PLEKHA6: variants seen among roughly 807,000 people sequenced by gnomAD.
PLEKHA6 encodes the protein pleckstrin homology domain-containing family A member 6.
Under a neutral mutation model 116.7 loss-of-function variants are expected in PLEKHA6, and 60 were observed. The observed-to-expected ratio is 0.51, with a 90% CI of 0.42 to 0.64. The LOEUF is 0.64. Ranked by LOEUF, PLEKHA6 falls within the 30% of genes least tolerant of loss-of-function variation. The probability of loss-of-function intolerance (pLI) is 0.00; values close to 1 mark genes in which losing one functional copy is unlikely to be tolerated. For synonymous variants in PLEKHA6, 489 were observed against 556.1 expected, an observed-to-expected ratio of 0.88 and a Z score of 1.70; for missense variants, 1,338 against 1,422.7, an observed-to-expected ratio of 0.94 and a Z score of 0.96.
At chr1:204,301,576 C>T in intron 1 of PLEKHA6, 1 of 545,118 alleles carries the variant, frequency 1.8e-6, no homozygotes, top group Non-Finnish European at 2.3e-6. Flanking sequence ...CACTTACTCC[C>T]TAGGGCCATT....
At chr1:204,340,657 C>T (rs1672814098) in intron 1 of PLEKHA6, among the ~76,000 whole-genome samples, 1 of 152,154 alleles carries the variant, frequency 6.6e-6, no homozygotes, top group African/African-American at 2.4e-5. Context: ...TGTGTTCACT[C>T]GTTGGCCAGC....
At chr1:204,320,933 C>A (rs1259001766) in intron 1 of PLEKHA6, among the ~76,000 whole-genome samples, 1 of 152,178 alleles carries the variant, frequency 6.6e-6, no homozygotes, top group Non-Finnish European at 1.5e-5. Context: ...GCCAGGCAGC[C>A]CAGCACCTGG....
At chr1:204,297,128 T>C in intron 1 of PLEKHA6, 1 of 983,470 alleles carries the variant, frequency 1.0e-6, no homozygotes, top group Non-Finnish European at 1.2e-6. Flanking sequence ...AAAATCCGAA[T>C]CAGATGGAGA....
intron 1 of PLEKHA6, among the ~76,000 whole-genome samples, chr1:204,306,691 G>A (rs1475952022): frequency 1.3e-5 from 2 of 152,208 alleles, no homozygotes; most frequent in Admixed American, 1.3e-4. Flanking sequence ...ACAGTAGATA[G>A]ATACCGGGGA....
In PLEKHA6 at chr1:204,228,834, G is replaced by T; in HGVS notation, c.2779C>A (p.Pro927Thr). 1 of 1,614,096 alleles carries T rather than the reference G, an allele frequency of 6.2e-7. No individual in the cohort carries two copies. The highest frequency in any genetic ancestry group is 2.2e-5 in the East Asian group (1 of 44,874). ...GGCTCCAGGTCAATGTACCGTTCAG[G>T]GATGAGGACTTTGTCTGGAGTGGAG... ...ELSTPDKVLIPERYIDLEPDT... is the reference protein window; with the variant it reads ...ELSTPDKVLITERYIDLEPDT... Residue 927 changes from proline (P) to threonine (T), a missense_variant, in exon 20 of 23, where the codon CCT (proline) becomes ACT (threonine). Coordinates refer to ENST00000272203, the MANE Select transcript of PLEKHA6 (RefSeq NM_014935.5). The surrounding 1 kb of genome is among the most constrained non-coding windows in gnomAD (Gnocchi z 4.0).
intron 6 of PLEKHA6, among the ~76,000 whole-genome samples, chr1:204,263,377 C>A (rs531853099): frequency 6.6e-6 from 1 of 152,298 alleles, no homozygotes; most frequent in South Asian, 2.1e-4. Context: ...AGGAACAGTT[C>A]CTGGCTCATT....
At chr1:204,333,045 G>GCCAAATGAGGATAAGGCAAA (rs1376331216) in intron 1 of PLEKHA6, among the ~76,000 whole-genome samples, 1 of 152,214 alleles carries the variant, frequency 6.6e-6, no homozygotes, top group Non-Finnish European at 1.5e-5. Context: ...CAATGCCTCC[G>GCCAAATGAGGATAAGGCAAA]CCAAATGAGG....
At chr1:204,344,597 C>T (rs987293493) in intron 1 of PLEKHA6, among the ~76,000 whole-genome samples, 5 of 30,102 alleles carry the variant, frequency 1.7e-4, no homozygotes, top group Non-Finnish European at 2.7e-4. Flanking sequence ...GAGACTCCAT[C>T]TCAAAAAAAA....
intron 1 of PLEKHA6, among the ~76,000 whole-genome samples, chr1:204,345,444 C>T (rs1319894769): frequency 6.6e-6 from 1 of 152,078 alleles, no homozygotes; most frequent in African/African-American, 2.4e-5. Context: ...CCACTCCCTT[C>T]GAGGTTTCTT....
At chr1:204,253,241 G>C (rs1315758750) in intron 9 of PLEKHA6, among the ~76,000 whole-genome samples, 3 of 152,028 alleles carry the variant, frequency 2.0e-5, no homozygotes, top group Non-Finnish European at 2.9e-5. Context: ...CTGTGAGGTT[G>C]AAAGGAAAGG....
intron 1 of PLEKHA6, among the ~76,000 whole-genome samples, chr1:204,281,393 C>T (rs781584100): frequency 1.1e-4 from 16 of 151,926 alleles, no homozygotes; most frequent in Non-Finnish European, 1.6e-4. Context: ...GGCCTGGTGG[C>T]GGGCACCTGT....
rs576653300 is a variant in PLEKHA6 at position 204,344,789 on chromosome 1, A to C, written c.-95+14905T>G. ...GGAGGAAAGCAGAAAAGGACAGATG[A>C]GATGTGATCCAGCCCCATCCTGCCA... is the stretch of plus-strand genomic sequence containing the variant. On this transcript the variant is annotated intron_variant, in intron 1 of 22. Transcript: ENST00000272203. Among the ~76,000 whole-genome samples, 16 of 152,278 alleles carry C rather than the reference A, an allele frequency of 1.1e-4. 1 individual carries two copies. In the East Asian group the frequency reaches 2.7e-3, roughly 26 times the overall value.
At position 204,261,380 on chromosome 1, in the gene PLEKHA6, G is replaced by A; in HGVS notation, c.450C>T (p.Ile150=). 1 of 1,614,156 alleles carries A rather than the reference G, an allele frequency of 6.2e-7. No homozygotes were observed. Among genetic ancestry groups the A allele is most frequent in the Non-Finnish European group, 8.5e-7 (1 of 1,180,004 alleles). The part of the protein sequence containing the change: ...AESPEEQEAW[I]QAMGEAARVQ... The stretch of plus-strand genomic sequence containing the variant: ...CTCGAGCAGCCTCCCCCATGGCCTG[G>A]ATCCAGGCCTCTTGCTCCTCGGGGC... The change falls in exon 7 of 23, where the codon ATC becomes ATT. Residue 150 remains isoleucine (I), a synonymous_variant. Coordinates refer to ENST00000272203, the MANE Select transcript of PLEKHA6 (RefSeq NM_014935.5). This position sits in a 1 kb window ranked among gnomAD's most constrained non-coding sequence, Gnocchi z 4.0.
At chr1:204,224,118 G>A (rs1660003963) in intron 21 of PLEKHA6, among the ~76,000 whole-genome samples, 1 of 151,936 alleles carries the variant, frequency 6.6e-6, no homozygotes, top group African/African-American at 2.4e-5. Context: ...CACAGTCAAG[G>A]GCTCGGAAAC....
Position 204,228,822 on chromosome 1 carries a change from T to C in PLEKHA6, c.2791A>G (p.Ile931Val), listed in dbSNP as rs771725036. The change falls in exon 20 of 23, where the codon ATT becomes GTT. Residue 931 changes from isoleucine to valine, a missense_variant. Ile to Val is a conservative substitution (Grantham distance 29). Around this residue, in one of 3 missense-constraint regions of PLEKHA6, gnomAD observed 1,136 missense variants for 1,163.6 expected, o/e 0.98. Coordinates refer to ENST00000272203, the MANE Select transcript of PLEKHA6 (RefSeq NM_014935.5). This position sits in a 1 kb window ranked among gnomAD's most constrained non-coding sequence, Gnocchi z 4.0. ...AGGGGAGTGTCAGGCTCCAGGTCAA[T>C]GTACCGTTCAGGGATGAGGACTTTG... is the stretch of plus-strand genomic sequence containing the variant. Reference protein sequence around the residue: ...PDKVLIPERYIDLEPDTPLSP... With the variant: ...PDKVLIPERYVDLEPDTPLSP... 5 of 1,614,010 alleles carry C rather than the reference T, an allele frequency of 3.1e-6. No homozygotes were observed. The highest frequency in any genetic ancestry group is 1.7e-6 in the Non-Finnish European group (2 of 1,179,938).
chr1:204,363,240 G>T (rs995195746), upstream of PLEKHA6, among the ~76,000 whole-genome samples: 1 of 152,298 alleles, frequency 6.6e-6, no homozygotes, highest in Middle Eastern at 3.4e-3. Context: ...GGCTCACCGG[G>T]GTCTCACTGC....
chr1:204,272,465 C>G (rs987685936), intron 3 of PLEKHA6, among the ~76,000 whole-genome samples: 2 of 152,216 alleles, frequency 1.3e-5, no homozygotes, highest in South Asian at 4.1e-4. Flanking sequence ...CCATTCCCTA[C>G]CCTTCCATTT....
At chr1:204,341,703 T>C (rs143334232) in intron 1 of PLEKHA6, among the ~76,000 whole-genome samples, 26 of 152,346 alleles carry the variant, frequency 1.7e-4, no homozygotes, top group African/African-American at 6.3e-4. Flanking sequence ...AACACAGTGA[T>C]GGCAGAATGA....
chr1:204,338,420 T>G (rs918541385), intron 1 of PLEKHA6, among the ~76,000 whole-genome samples: 2 of 152,188 alleles, frequency 1.3e-5, no homozygotes, highest in African/African-American at 2.4e-5. Context: ...TCCATTAAGG[T>G]CATTAGTTCA....
Sources: allele counts gnomAD v4.1 joint callset (sites outside exome capture counted in the v4.1 genomes callset), GRCh38; gene constraint gnomAD v4.1.1; regional missense constraint gnomAD v4.1.1; non-coding constraint Gnocchi (gnomAD v3.1); transcripts MANE v1.5; gene names NCBI Gene and HGNC (gene_info 2026-07-23, HGNC 2026-07-21).